Variants in KIAA0825 observed in about 807,000 individuals in gnomAD.
KIAA0825 encodes KIAA0825.
Under a neutral mutation model 147.6 loss-of-function variants are expected in KIAA0825, and 119 were observed. That is an observed-to-expected ratio of 0.81 (90% CI 0.69 to 0.94). KIAA0825 has a LOEUF of 0.94. KIAA0825 is among the 40% of genes least tolerant of loss of function. The pLI, the probability that KIAA0825 is intolerant of heterozygous loss-of-function variation, is 0.00. For missense variants in KIAA0825, 1,381 were observed against 1,472.7 expected (o/e 0.94, Z 1.02); for synonymous variants, 470 against 518.1 (o/e 0.91, Z 1.26).
At chr5:94,165,613 A>G (rs1767962684) in intron 20 of KIAA0825, among the ~76,000 whole-genome samples, 2 of 152,346 alleles carry the variant, frequency 1.3e-5, no homozygotes, top group South Asian at 2.1e-4. Context: ...GCGTCCAACA[A>G]TAGATAAATG....
At chr5:94,226,859 G>A (rs562899259) in intron 20 of KIAA0825, among the ~76,000 whole-genome samples, 2,316 of 152,016 alleles carry the variant, frequency 0.015, 26 homozygotes, top group Admixed American at 0.021. Flanking sequence ...ACCATCTCAC[G>A]CCAGTTAGAA....
At chr5:94,206,385 T>G (rs1772202623) in intron 20 of KIAA0825, among the ~76,000 whole-genome samples, 1 of 152,198 alleles carries the variant, frequency 6.6e-6, no homozygotes, top group Non-Finnish European at 1.5e-5. Context: ...GAATACTTTC[T>G]GTGTTTCTCT....
At chr5:94,295,502 T>C (rs1436610555) in intron 20 of KIAA0825, among the ~76,000 whole-genome samples, 1 of 152,156 alleles carries the variant, frequency 6.6e-6, no homozygotes, top group African/African-American at 2.4e-5. Context: ...AGAAGACGCA[T>C]TCTGGTTTTG....
chr5:94,257,324 A>G (rs1026132945), intron 20 of KIAA0825, among the ~76,000 whole-genome samples: 124 of 152,238 alleles, frequency 8.1e-4, no homozygotes, highest in African/African-American at 3.0e-3. Flanking sequence ...AATCAAACAC[A>G]TCACTTCAGA....
intron 14 of KIAA0825, among the ~76,000 whole-genome samples, chr5:94,424,601 C>A (rs1754608248): frequency 6.6e-6 from 1 of 151,954 alleles, no homozygotes; most frequent in Non-Finnish European, 1.5e-5. Context: ...AATGATGCAC[C>A]TCCAGGAACT....
At chr5:94,589,678 T>A (rs1229903714) in intron 1 of KIAA0825, among the ~76,000 whole-genome samples, 2 of 152,184 alleles carry the variant, frequency 1.3e-5, no homozygotes, top group Non-Finnish European at 2.9e-5. Context: ...CAAAAACTTT[T>A]CCCTTTTTTG....
At chr5:94,199,551 T>C (rs895707780) in intron 20 of KIAA0825, among the ~76,000 whole-genome samples, 2 of 150,168 alleles carry the variant, frequency 1.3e-5, no homozygotes, top group African/African-American at 4.9e-5. Context: ...ACTGACAGAG[T>C]GGTTGGGGGC....
intron 2 of KIAA0825, among the ~76,000 whole-genome samples, chr5:94,577,105 A>G (rs1010134927): frequency 6.6e-6 from 1 of 152,134 alleles, no homozygotes; most frequent in Non-Finnish European, 1.5e-5. Flanking sequence ...CCTTTTTAAT[A>G]CTGCCTATAG....
chr5:94,417,906 C>T (rs1753679159), intron 14 of KIAA0825, among the ~76,000 whole-genome samples: 1 of 152,058 alleles, frequency 6.6e-6, no homozygotes, highest in South Asian at 2.1e-4. Context: ...TCAATTGGTT[C>T]CTCAATAAAA....
intron 7 of KIAA0825, among the ~76,000 whole-genome samples, chr5:94,475,088 CAAA>C (rs796762483): frequency 8.2e-6 from 1 of 121,714 alleles, no homozygotes; most frequent in Non-Finnish European, 1.8e-5. Context: ...GACTCCATCT[CAAA>C]AAAAAAAAAA....
At chr5:94,411,750 C>G (rs1020735989) in intron 15 of KIAA0825, among the ~76,000 whole-genome samples, 1 of 151,926 alleles carries the variant, frequency 6.6e-6, no homozygotes. Context: ...AGTTCGAGAC[C>G]AGCCTGGCCA....
chr5:94,481,529 T>C (rs1255712101), intron 6 of KIAA0825, among the ~76,000 whole-genome samples: 1 of 151,978 alleles, frequency 6.6e-6, no homozygotes, highest in Non-Finnish European at 1.5e-5. Flanking sequence ...CAAGAGATAA[T>C]ACCATGAAAA....
chr5:94,595,039 G>A lies in KIAA0825; in HGVS notation c.-152-12456C>T, dbSNP rs767460599. On this transcript the variant is annotated intron_variant, in intron 1 of 20. Transcript: ENST00000682413. The stretch of plus-strand genomic sequence containing the variant: ...CTCCTGGCTGCTTTCAGAGGCTGGC[G>A]TTGAGTGTCTGTTGCTTTTCCAGAT... Among the ~76,000 whole-genome samples, 4 of 152,130 alleles carry A rather than the reference G, an allele frequency of 2.6e-5. No individual in the cohort carries two copies. In the East Asian group the frequency reaches 5.8e-4, roughly 22 times the overall value.
At chr5:94,596,519 C>G (rs941829984) in intron 1 of KIAA0825, among the ~76,000 whole-genome samples, 1 of 152,196 alleles carries the variant, frequency 6.6e-6, no homozygotes, top group Non-Finnish European at 1.5e-5. Flanking sequence ...CTTGATGCCT[C>G]TGGCTTTGCT....
chr5:94,530,867 T>A (rs1770657889), intron 3 of KIAA0825, among the ~76,000 whole-genome samples: 1 of 152,146 alleles, frequency 6.6e-6, no homozygotes, highest in East Asian at 1.9e-4. Context: ...TTAACTAAGA[T>A]CCTCTCTGGG....
chr5:94,306,962 G>A (rs1039527432), intron 20 of KIAA0825, among the ~76,000 whole-genome samples: 13 of 151,780 alleles, frequency 8.6e-5, no homozygotes, highest in Admixed American at 4.6e-4. Context: ...TACATGATGC[G>A]TAGGGCTTAG....
At chr5:94,562,097 A>C (rs1480153534) in intron 2 of KIAA0825, among the ~76,000 whole-genome samples, 1 of 152,160 alleles carries the variant, frequency 6.6e-6, no homozygotes, top group Non-Finnish European at 1.5e-5. Flanking sequence ...TCTACAAAAA[A>C]AGGATGTTAG....
intron 20 of KIAA0825, among the ~76,000 whole-genome samples, chr5:94,240,292 G>A (rs778011115): frequency 5.3e-5 from 8 of 152,162 alleles, no homozygotes; most frequent in Non-Finnish European, 8.8e-5. Context: ...TATGAAAGAA[G>A]TATTAGCACT....
intron 5 of KIAA0825, among the ~76,000 whole-genome samples, chr5:94,505,277 T>C (rs1765606540): frequency 1.3e-5 from 2 of 151,528 alleles, no homozygotes; most frequent in Admixed American, 1.3e-4. Flanking sequence ...ATGAGAATTG[T>C]TTGAACCCAG....
Sources: gnomAD v4.1 joint callset for allele counts (sites outside exome capture counted in the v4.1 genomes callset) on GRCh38, gnomAD v4.1.1 for gene constraint, MANE v1.5 for transcripts, NCBI Gene and HGNC (gene_info 2026-07-23, HGNC 2026-07-21) for gene names.